The following RIMS1 variants were observed in gnomAD, a reference collection of about 807,000 sequenced individuals.
RIMS1 encodes regulating synaptic membrane exocytosis 1.
Under a neutral mutation model 214.1 loss-of-function variants are expected in RIMS1, and 83 were observed. That is an observed-to-expected ratio of 0.39 (90% CI 0.32 to 0.47). The LOEUF is 0.47. Among genes scored for constraint, RIMS1 ranks in the 20% least tolerant of loss-of-function variants. The pLI, the probability that RIMS1 is intolerant of heterozygous loss-of-function variation, is 0.99. For synonymous variants in RIMS1, 793 were observed against 786.8 expected (o/e 1.01, Z -0.13); for missense variants, 2,050 against 2,161.8 (o/e 0.95, Z 1.03).
chr6:72,052,573 A>T (rs1825004028), intron 2 of RIMS1, among the ~76,000 whole-genome samples: 1 of 152,176 alleles, frequency 6.6e-6, no homozygotes, highest in Non-Finnish European at 1.5e-5. Flanking sequence ...GACTGTAAAT[A>T]TCATGGACTT....
chr6:72,107,276 C>T (rs939193057), intron 4 of RIMS1, among the ~76,000 whole-genome samples: 5 of 152,168 alleles, frequency 3.3e-5, no homozygotes, highest in South Asian at 2.1e-4. Flanking sequence ...AGAAATGAAA[C>T]CCCACCAGGA....
At chr6:71,907,331 A>G (rs949709277) in intron 1 of RIMS1, among the ~76,000 whole-genome samples, 1 of 152,196 alleles carries the variant, frequency 6.6e-6, no homozygotes, top group African/African-American at 2.4e-5. Context: ...AGTTTTTAGC[A>G]TGGAGGAATA....
chr6:72,026,460 C>T (rs1033922833), intron 2 of RIMS1, among the ~76,000 whole-genome samples: 1 of 139,772 alleles, frequency 7.2e-6, no homozygotes, highest in Admixed American at 7.1e-5. Flanking sequence ...GCACCGCCCC[C>T]CCCCCCAACT....
At chr6:72,049,789 T>C (rs1038074676) in intron 2 of RIMS1, among the ~76,000 whole-genome samples, 3 of 152,202 alleles carry the variant, frequency 2.0e-5, no homozygotes, top group African/African-American at 7.2e-5. Flanking sequence ...AGTGGTTCCA[T>C]TATTGATCCT....
intron 2 of RIMS1, 117 bp downstream of exon 2, chr6:71,969,180 CA>C: frequency 2.1e-6 from 2 of 957,054 alleles, no homozygotes; most frequent in Non-Finnish European, 3.4e-6. Context: ...GTATATGTAA[CA>C]AAAAGGCTAC....
In RIMS1 at chr6:72,096,746, T is replaced by C. The variant is rs9446564; in HGVS notation, c.246-203T>C. Reference sequence around the variant, plus strand: ...CTACATACACATAGTTCAGTGCTAATAAGCAAAACAGGGATTATGGAATCA... The same window carrying C: ...CTACATACACATAGTTCAGTGCTAACAAGCAAAACAGGGATTATGGAATCA... On this transcript the variant is annotated intron_variant, in intron 2 of 33. Coordinates refer to ENST00000521978, the MANE Select transcript of RIMS1 (RefSeq NM_014989.7). Among the ~76,000 whole-genome samples, 655 of 152,312 alleles carry C rather than the reference T, an allele frequency of 4.3e-3. 4 individuals are homozygous for C. Among genetic ancestry groups the C allele is most frequent in the African/African-American group, 0.015 (640 of 41,576 alleles).
chr6:72,156,560 C>T (rs534039654), intron 4 of RIMS1, among the ~76,000 whole-genome samples: 1 of 139,942 alleles, frequency 7.1e-6, no homozygotes, highest in East Asian at 2.0e-4. Context: ...AGCATGTTGA[C>T]TGTACTGAAT....
chr6:71,901,511 C>A (rs2150461726), intron 1 of RIMS1, among the ~76,000 whole-genome samples: 1 of 152,072 alleles, frequency 6.6e-6, no homozygotes, highest in South Asian at 2.1e-4. Context: ...AAGCCAGACA[C>A]AAATCAGGCA....
intron 7 of RIMS1, among the ~76,000 whole-genome samples, chr6:72,235,058 A>G (rs2063484744): frequency 1.3e-5 from 2 of 151,970 alleles, no homozygotes; most frequent in African/African-American, 4.8e-5. Context: ...AGTTGTTCCT[A>G]TTCTCTTTTA....
At chr6:72,131,942 T>G (rs147792189) in intron 4 of RIMS1, among the ~76,000 whole-genome samples, 298 of 152,332 alleles carry the variant, frequency 2.0e-3, no homozygotes, top group Admixed American at 3.7e-3. Context: ...CCATTTGCTT[T>G]TGAAAGAAGA....
intron 2 of RIMS1, among the ~76,000 whole-genome samples, chr6:71,984,328 T>A (rs1329967364): frequency 2.0e-5 from 3 of 152,062 alleles, no homozygotes; most frequent in Admixed American, 6.6e-5. Context: ...AAAGCTAATG[T>A]TAAGAGGATG....
Position 72,324,027 on chromosome 6 carries a change from CATAGATAGATAG to C in RIMS1, c.4131-9531_4131-9520del, listed in dbSNP as rs70994121. Reference sequence around the variant, plus strand: ...AAATAAATAAATGAGTGCATGCATGCATAGATAGATAGATAGATAGATAGATAGATAGATAGA... The same window carrying C: ...AAATAAATAAATGAGTGCATGCATGCATAGATAGATAGATAGATAGATAGA... On this transcript the variant is annotated intron_variant, in intron 28 of 33. Transcript: ENST00000521978. 4.0e-3 allele frequency among the ~76,000 whole-genome samples: 591 copies of C among 145,990 alleles called. 2 individuals carry two copies. The highest frequency in any genetic ancestry group is 0.01 in the East Asian group (49 of 4,862).
intron 4 of RIMS1, among the ~76,000 whole-genome samples, chr6:72,106,018 C>A (rs1587074652): frequency 6.6e-6 from 1 of 152,060 alleles, no homozygotes; most frequent in Non-Finnish European, 1.5e-5. Context: ...AAGCTTGTAA[C>A]CATAACATGA....
intron 2 of RIMS1, among the ~76,000 whole-genome samples, chr6:72,006,658 C>CCA (rs776035545): frequency 6.6e-5 from 10 of 152,184 alleles, no homozygotes; most frequent in Non-Finnish European, 1.3e-4. Flanking sequence ...TCTTAGCAAA[C>CCA]GGCACACCAG....
rs1466905040 is a variant in RIMS1, at chr6:72,266,053, T to A, written c.3398+4T>A. On this transcript the variant is annotated splice_donor_region_variant and intron_variant, in intron 22 of 33. Transcript: ENST00000521978. ...TGCATTCACCAGAACGAGAAAGGTA[T>A]AAAATAAAGACTTTCTTAATTTCTT... The A allele has an allele frequency of 6.4e-7, 1 of 1,556,658 alleles. No individual in the cohort carries two copies.
At chr6:72,018,434 A>G (rs1034467251) in intron 2 of RIMS1, among the ~76,000 whole-genome samples, 4 of 152,114 alleles carry the variant, frequency 2.6e-5, no homozygotes, top group African/African-American at 9.7e-5. Flanking sequence ...TGAAATATCA[A>G]TAGCTTGATT....
At chr6:72,202,575 A>G (rs2052188705) in intron 6 of RIMS1, among the ~76,000 whole-genome samples, 1 of 152,196 alleles carries the variant, frequency 6.6e-6, no homozygotes, top group Non-Finnish European at 1.5e-5. Flanking sequence ...ACATCAACAG[A>G]TGAGTTTGGA....
chr6:72,157,413 T>C (rs1242314163), intron 4 of RIMS1, among the ~76,000 whole-genome samples: 1 of 139,630 alleles, frequency 7.2e-6, no homozygotes, highest in Non-Finnish European at 1.6e-5. Context: ...ATTTGTGATT[T>C]GCCTATTTTT....
rs1385525060 is a variant in RIMS1 at position 72,183,032 on chromosome 6, A to G, written c.1561A>G (p.Arg521Gly). 6.2e-7 allele frequency: 1 copy of G among 1,600,654 alleles called. No homozygotes were observed. The change falls in exon 6 of 34, where the codon AGA becomes GGA. Residue 521 changes from arginine (R) to glycine (G), a missense_variant. Coordinates refer to ENST00000521978, the MANE Select transcript of RIMS1 (RefSeq NM_014989.7). ...CCCGCCCAAGCCGCACCGGTCCAAG[A>G]GAGGCGGCAAGAAGCGGCAGATGTC... Reference protein sequence around the residue: ...PSPPKPHRSKRGGKKRQMSVS... With the variant: ...PSPPKPHRSKGGGKKRQMSVS...
Sources: gnomAD v4.1 joint callset for allele counts (sites outside exome capture counted in the v4.1 genomes callset) on GRCh38, gnomAD v4.1.1 for gene constraint, MANE v1.5 for transcripts, NCBI Gene and HGNC (gene_info 2026-07-23, HGNC 2026-07-21) for gene names.